Variants in CABIN1 observed in about 807,000 individuals in gnomAD.
CABIN1 encodes the protein calcineurin binding protein 1, also known as calcineurin-binding protein cabin-1.
A neutral mutation model predicts 227.7 loss-of-function variants in CABIN1; 133 were observed. The observed-to-expected ratio is 0.58, with a 90% confidence interval of 0.51 to 0.67. The LOEUF (loss-of-function observed/expected upper bound fraction) is 0.67. CABIN1 is among the 30% of genes least tolerant of loss of function. The pLI, the probability that CABIN1 is intolerant of heterozygous loss-of-function variation, is 0.00. For missense variants in CABIN1, 2,408 were observed against 2,852.5 expected (o/e 0.84, Z 3.55); for synonymous variants, 1,086 against 1,155.1 (o/e 0.94, Z 1.21).
At chr22:24,162,046 G>T (rs973071564) in intron 29 of CABIN1, 1 of 152,252 alleles carries the variant, frequency 6.6e-6, no homozygotes, top group African/African-American at 2.4e-5. Context: ...CTTCTCATGG[G>T]TCTCTTGCTG....
intron 26 of CABIN1, among the ~76,000 whole-genome samples, chr22:24,103,601 T>G (rs1046748483): frequency 6.6e-6 from 1 of 152,082 alleles, no homozygotes; most frequent in Non-Finnish European, 1.5e-5. Context: ...AAACAGACCT[T>G]CTCAAAGTGG....
intron 6 of CABIN1, among the ~76,000 whole-genome samples, chr22:24,048,185 AG>A: frequency 6.6e-6 from 1 of 152,116 alleles, no homozygotes; most frequent in Non-Finnish European, 1.5e-5. Flanking sequence ...TTTTAAAAAA[AG>A]GAGGAAAATT....
chr22:24,061,041 C>T (rs1023581699), intron 12 of CABIN1, among the ~76,000 whole-genome samples: 1 of 152,192 alleles, frequency 6.6e-6, no homozygotes, highest in African/African-American at 2.4e-5. Context: ...CCTTGGCATC[C>T]CAAAGCACTG....
chr22:24,129,470 C>G (rs986314817), intron 28 of CABIN1, among the ~76,000 whole-genome samples: 1 of 152,244 alleles, frequency 6.6e-6, no homozygotes, highest in Non-Finnish European at 1.5e-5. Flanking sequence ...GCCCCACTCA[C>G]GCCCCATGGC....
At chr22:24,081,764 C>T (rs1427605519) in intron 19 of CABIN1, among the ~76,000 whole-genome samples, 6 of 151,860 alleles carry the variant, frequency 4.0e-5, no homozygotes, top group African/African-American at 1.2e-4. Flanking sequence ...CAGTGGCTCA[C>T]GCCTGTAATC....
At position 24,084,728 on chromosome 22, in the gene CABIN1, G is replaced by A; in HGVS notation, c.3060G>A (p.Glu1020=). 1 of 1,614,230 alleles carries A rather than the reference G, an allele frequency of 6.2e-7. No homozygotes were observed. The highest frequency in any genetic ancestry group is 8.5e-7 in the Non-Finnish European group (1 of 1,180,042). Residue 1020 remains glutamate (E), a synonymous_variant, in exon 21 of 37, where the codon GAG becomes GAA. Transcript: ENST00000263119. ...TTGCCACCATTGTGCCTCGCACAGAGAGGCCAGCCCTTAGCCTGGACAAAG... is the reference window on the plus strand; with the variant it reads ...TTGCCACCATTGTGCCTCGCACAGAAAGGCCAGCCCTTAGCCTGGACAAAG... ...KRIATIVPRT[E]RPALSLDKVS...
intron 18 of CABIN1, 77 bp downstream of exon 18, chr22:24,072,587 G>C (rs1169897463): frequency 6.4e-7 from 1 of 1,564,764 alleles, no homozygotes; most frequent in African/African-American, 1.4e-5. Flanking sequence ...CTAGGGTCCT[G>C]GACCTTATCC....
intron 1 of CABIN1, among the ~76,000 whole-genome samples, chr22:24,014,026 C>G (rs2035046923): frequency 6.6e-6 from 1 of 152,164 alleles, no homozygotes; most frequent in Admixed American, 6.5e-5. Flanking sequence ...TACTTGGTGT[C>G]TACCAGGTTT....
intron 26 of CABIN1, chr22:24,102,375 C>A (rs2042253905): frequency 6.6e-6 from 1 of 152,244 alleles, no homozygotes; most frequent in Non-Finnish European, 1.5e-5. Context: ...CCAGAAAAGG[C>A]CTCAGAGCTC....
chr22:24,112,560 GT>G (rs2147777221), intron 26 of CABIN1, among the ~76,000 whole-genome samples: 1 of 152,252 alleles, frequency 6.6e-6, no homozygotes, highest in South Asian at 2.1e-4. Flanking sequence ...TCCCTTGCTT[GT>G]TACTCAGTGC....
At chr22:24,057,606 A>G (rs1375415287) in intron 10 of CABIN1, among the ~76,000 whole-genome samples, 3 of 152,220 alleles carry the variant, frequency 2.0e-5, no homozygotes, top group Non-Finnish European at 4.4e-5. Flanking sequence ...TTCCCATGAC[A>G]GTTTATTTCA....
chr22:24,079,707 A>C (rs759888533), intron 19 of CABIN1, among the ~76,000 whole-genome samples: 6 of 152,104 alleles, frequency 3.9e-5, no homozygotes, highest in African/African-American at 7.2e-5. Flanking sequence ...CTCTTATGCA[A>C]ATTGCCTGTT....
intron 27 of CABIN1, among the ~76,000 whole-genome samples, chr22:24,114,823 A>G (rs1172030287): frequency 6.6e-6 from 1 of 152,186 alleles, no homozygotes; most frequent in African/African-American, 2.4e-5. Flanking sequence ...CTGGACTTAG[A>G]AGGGCATGAG....
At chr22:24,115,980 C>T (rs979482245) in intron 27 of CABIN1, among the ~76,000 whole-genome samples, 7 of 152,238 alleles carry the variant, frequency 4.6e-5, no homozygotes, top group Non-Finnish European at 1.0e-4. Flanking sequence ...CTGACTGCCA[C>T]ATCCTGCCTG....
intron 3 of CABIN1, among the ~76,000 whole-genome samples, chr22:24,037,290 A>C (rs1231593409): frequency 2.0e-5 from 3 of 151,196 alleles, no homozygotes; most frequent in Admixed American, 6.6e-5. Context: ...AAAAGAAAAC[A>C]ATGGAAACCA....
rs2047232902 is a variant in CABIN1, at chr22:24,178,338, C to T, written c.*142C>T. ...CCCAGGCCTGCCCAGCCCACCTCCT[C>T]ATGGCATCCTCCCTGTACCCAGGTC... On this transcript the variant is annotated 3_prime_UTR_variant, in exon 37 of 37. Coordinates refer to ENST00000263119, the MANE Select transcript of CABIN1 (RefSeq NM_012295.4). The T allele has an allele frequency of 2.9e-6, 3 of 1,017,104 alleles. No individual in the cohort carries two copies. Among genetic ancestry groups the T allele is most frequent in the Admixed American group, 2.2e-5 (1 of 45,376 alleles). 63.0% of individuals were successfully genotyped at this position (1,017,104 alleles called of 1,614,324 possible). A position where few individuals can be genotyped will look rare whatever the true frequency, so the allele number is the denominator to read the frequency against.
chr22:24,144,322 G>A (rs61173905), intron 29 of CABIN1, among the ~76,000 whole-genome samples: 2 of 152,226 alleles, frequency 1.3e-5, no homozygotes, highest in Non-Finnish European at 2.9e-5. Flanking sequence ...TGCCTCTCCA[G>A]GAGGTGGACT....
intron 20 of CABIN1, 91 bp from the exon 21 acceptor site, chr22:24,084,488 T>G: frequency 9.7e-7 from 1 of 1,030,634 alleles, no homozygotes; most frequent in South Asian, 1.3e-5. Flanking sequence ...TCATTTACAT[T>G]GGACAAAGTG....
At chr22:24,092,488 G>A (rs527603790) in intron 24 of CABIN1, among the ~76,000 whole-genome samples, 2 of 152,258 alleles carry the variant, frequency 1.3e-5, no homozygotes, top group East Asian at 3.9e-4. Flanking sequence ...AAGGACATTG[G>A]TAGAGATCCA....
Sources: allele counts gnomAD v4.1 joint callset (sites outside exome capture counted in the v4.1 genomes callset), GRCh38; gene constraint gnomAD v4.1.1; transcripts MANE v1.5; gene names NCBI Gene and HGNC (gene_info 2026-07-23, HGNC 2026-07-21).